Variants in PTPRD observed in about 807,000 individuals in gnomAD.
PTPRD encodes the protein protein tyrosine phosphatase receptor type D, also known as receptor-type tyrosine-protein phosphatase delta.
PTPRD carries 34 observed loss-of-function variants against 214.5 expected under a neutral mutation model. The observed-to-expected ratio is 0.16, with a 90% CI of 0.12 to 0.21. The LOEUF is 0.21. PTPRD is among the 10% of genes least tolerant of loss of function. PTPRD has a pLI of 1.00. For synonymous variants in PTPRD, 1,128 were observed against 845.7 expected (o/e 1.33, Z -5.79); for missense variants, 2,545 against 2,398.7 (o/e 1.06, Z -1.27).
intron 3 of PTPRD, among the ~76,000 whole-genome samples, chr9:10,202,890 G>C (rs750220828): frequency 4.6e-5 from 7 of 151,616 alleles, no homozygotes; most frequent in Non-Finnish European, 7.4e-5. Context: ...CAGGAAGCAG[G>C]CCCTTACCAG....
At chr9:9,271,458 A>C (rs935418433) in intron 9 of PTPRD, among the ~76,000 whole-genome samples, 1 of 151,406 alleles carries the variant, frequency 6.6e-6, no homozygotes, top group African/African-American at 2.4e-5. Flanking sequence ...ATAGAAGATA[A>C]ATACAGTTCA....
At chr9:8,394,683 C>G (rs547274286) in intron 36 of PTPRD, among the ~76,000 whole-genome samples, 1 of 152,190 alleles carries the variant, frequency 6.6e-6, no homozygotes, top group South Asian at 2.1e-4. Flanking sequence ...TTCTTGGACT[C>G]AGACATCTCT....
intron 3 of PTPRD, among the ~76,000 whole-genome samples, chr9:10,139,391 A>G (rs188157287): frequency 1.4e-4 from 21 of 152,206 alleles, no homozygotes; most frequent in Admixed American, 7.2e-4. Context: ...ATACAAATAA[A>G]TGGAAAAACA....
intron 2 of PTPRD, among the ~76,000 whole-genome samples, chr9:10,464,938 A>G (rs1233084132): frequency 6.6e-6 from 1 of 152,190 alleles, no homozygotes; most frequent in East Asian, 1.9e-4. Flanking sequence ...AATCAATGAC[A>G]AAATGATGGT....
chr9:8,741,598 T>TTTTG (rs2091955847), intron 11 of PTPRD, among the ~76,000 whole-genome samples: 1 of 80,448 alleles, frequency 1.2e-5, no homozygotes. Flanking sequence ...TTTTTTTTTT[T>TTTTG]TTTGAGATGA....
intron 5 of PTPRD, among the ~76,000 whole-genome samples, chr9:9,833,335 C>G (rs570710842): frequency 6.6e-6 from 1 of 151,870 alleles, no homozygotes; most frequent in Non-Finnish European, 1.5e-5. Flanking sequence ...GCCACAAAAA[C>G]CAGCAAGTTT....
intron 8 of PTPRD, among the ~76,000 whole-genome samples, chr9:9,461,065 TCAAA>T (rs1157935683): frequency 1.3e-5 from 2 of 152,034 alleles, no homozygotes; most frequent in East Asian, 3.9e-4. Flanking sequence ...CAGGAATAAC[TCAAA>T]CAGAAAATTA....
intron 2 of PTPRD, among the ~76,000 whole-genome samples, chr9:10,421,986 G>C (rs2154516286): frequency 6.6e-6 from 1 of 151,918 alleles, no homozygotes; most frequent in South Asian, 2.1e-4. Flanking sequence ...ATTCATTATA[G>C]AAATATTCAA....
At chr9:9,783,732 G>A (rs145723371) in intron 5 of PTPRD, among the ~76,000 whole-genome samples, 2 of 150,946 alleles carry the variant, frequency 1.3e-5, no homozygotes, top group Non-Finnish European at 2.9e-5. Flanking sequence ...AATATATCTT[G>A]CCAAAGATTA....
chr9:9,037,640 C>G (rs919877089), intron 10 of PTPRD, among the ~76,000 whole-genome samples: 1 of 152,238 alleles, frequency 6.6e-6, no homozygotes, highest in East Asian at 1.9e-4. Flanking sequence ...TAAAAGTACC[C>G]TTGGAATGAT....
chr9:10,032,820 C>A (rs1013933690), intron 4 of PTPRD, among the ~76,000 whole-genome samples: 1 of 151,820 alleles, frequency 6.6e-6, no homozygotes, highest in African/African-American at 2.4e-5. Flanking sequence ...TATCTTTTTA[C>A]ATTTCAACTG....
At chr9:9,232,199 C>T (rs925226014) in intron 9 of PTPRD, among the ~76,000 whole-genome samples, 2 of 152,130 alleles carry the variant, frequency 1.3e-5, no homozygotes, top group Non-Finnish European at 2.9e-5. Flanking sequence ...CCATCATTAC[C>T]TTTAAACTAC....
At chr9:9,587,738 T>C (rs1378916181) in intron 7 of PTPRD, among the ~76,000 whole-genome samples, 8 of 151,916 alleles carry the variant, frequency 5.3e-5, no homozygotes, top group Non-Finnish European at 1.0e-4. Context: ...GTCATTAAGT[T>C]GAAATAATCT....
intron 44 of PTPRD, 42 bp downstream of exon 44, chr9:8,331,540 C>A (rs1465309974): frequency 8.2e-7 from 1 of 1,221,638 alleles, no homozygotes; most frequent in Non-Finnish European, 1.1e-6. Flanking sequence ...AATGAAGAAA[C>A]ACCACCACTT....
At chr9:9,074,055 G>C (rs895528931) in intron 10 of PTPRD, among the ~76,000 whole-genome samples, 3 of 152,016 alleles carry the variant, frequency 2.0e-5, no homozygotes, top group Non-Finnish European at 4.4e-5. Context: ...TCATTAAATA[G>C]AAGCTGTTTT....
intron 12 of PTPRD, among the ~76,000 whole-genome samples, chr9:8,668,928 C>A (rs1401708228): frequency 6.6e-6 from 1 of 152,122 alleles, no homozygotes. Flanking sequence ...TATACCAGAG[C>A]AGATCCTGCT....
At chr9:9,450,173 G>A (rs1266300237) in intron 8 of PTPRD, among the ~76,000 whole-genome samples, 2 of 151,282 alleles carry the variant, frequency 1.3e-5, no homozygotes, top group African/African-American at 2.4e-5. Flanking sequence ...CTGATTGATG[G>A]GCATTTGGGC....
chr9:8,390,467 T>C (rs1500327), intron 36 of PTPRD, among the ~76,000 whole-genome samples: 87,607 of 151,972 alleles, frequency 0.58, 25,476 homozygotes, highest in East Asian at 0.66. Flanking sequence ...TGCCCTGGAG[T>C]ACCCTGAGAC....
At chr9:8,501,924 C>G (rs1231987293) in intron 23 of PTPRD, among the ~76,000 whole-genome samples, 1 of 152,076 alleles carries the variant, frequency 6.6e-6, no homozygotes, top group East Asian at 1.9e-4. Context: ...ATCATTTATC[C>G]CTTACAAAAT....
Sources: gnomAD v4.1 joint callset for allele counts (sites outside exome capture counted in the v4.1 genomes callset) on GRCh38, gnomAD v4.1.1 for gene constraint, MANE v1.5 for transcripts, NCBI Gene and HGNC (gene_info 2026-07-23, HGNC 2026-07-21) for gene names.